The following AGBL1 variants were observed in gnomAD, a reference collection of about 807,000 sequenced individuals.
The protein encoded by AGBL1 is cytosolic carboxypeptidase 4.
AGBL1 carries 130 observed loss-of-function variants against 118.9 expected under a neutral mutation model. The observed-to-expected ratio is 1.09, with a 90% CI of 0.95 to 1.26. The LOEUF is 1.26. Ranked by LOEUF, AGBL1 falls within the 50% of genes most tolerant of loss-of-function variation. The pLI is 0.00. For missense variants in AGBL1, 1,584 were observed against 1,298.1 expected, an observed-to-expected ratio of 1.22 and a Z score of -3.38; for synonymous variants, 555 against 478.9, an observed-to-expected ratio of 1.16 and a Z score of -2.08.
rs756290389 is a variant in AGBL1, at chr15:86,976,846, C to G, written c.3222-11141C>G. Among the ~76,000 whole-genome samples the G allele has an allele frequency of 1.4e-4, 21 of 151,966 alleles. 1 individual carries two copies. The highest frequency in any genetic ancestry group is 3.4e-3 in the Middle Eastern group (1 of 294). On this transcript the variant is annotated intron_variant, in intron 23 of 24. Transcript: ENST00000441037. ...CGCATATTCACCATTTCAAAAACAA[C>G]TTTGTTTATGTCGTGTATGGATCTG...
intron 22 of AGBL1, among the ~76,000 whole-genome samples, chr15:86,897,095 G>C (rs987646097): frequency 3.9e-5 from 6 of 152,256 alleles, no homozygotes; most frequent in Non-Finnish European, 8.8e-5. Flanking sequence ...TCTGTCATTA[G>C]GGACACTGAC....
chr15:86,784,991 A>G (rs1473016691), intron 22 of AGBL1, among the ~76,000 whole-genome samples: 1 of 152,192 alleles, frequency 6.6e-6, no homozygotes, highest in African/African-American at 2.4e-5. Context: ...ACGGTATTAC[A>G]AATAATAGTA....
At chr15:86,374,186 G>A (rs181001575) in intron 17 of AGBL1, among the ~76,000 whole-genome samples, 142 of 152,276 alleles carry the variant, frequency 9.3e-4, no homozygotes, top group African/African-American at 2.9e-3. Flanking sequence ...ATTCTAATCC[G>A]CAGGTCTCTC....
intron 24 of AGBL1, among the ~76,000 whole-genome samples, chr15:87,025,639 G>A (rs2081719375): frequency 6.6e-6 from 1 of 151,520 alleles, no homozygotes; most frequent in African/African-American, 2.4e-5. Flanking sequence ...CACACAATTA[G>A]AAAAAAAATT....
chr15:86,724,392 T>A (rs1452969144), intron 22 of AGBL1, among the ~76,000 whole-genome samples: 1 of 152,058 alleles, frequency 6.6e-6, no homozygotes, highest in Non-Finnish European at 1.5e-5. Context: ...TCAAGAATTA[T>A]GACAAGCATT....
intron 23 of AGBL1, among the ~76,000 whole-genome samples, chr15:86,922,017 G>A (rs16978080): frequency 0.015 from 2,227 of 152,188 alleles, 50 homozygotes; most frequent in African/African-American, 0.047. Flanking sequence ...TGGTTACTCT[G>A]TATGGACTTA....
intron 18 of AGBL1, among the ~76,000 whole-genome samples, chr15:86,401,358 C>T (rs111245354): frequency 0.036 from 5,457 of 152,012 alleles, 164 homozygotes; most frequent in African/African-American, 0.084. Flanking sequence ...ATTAGTCCTT[C>T]GTTGCATGCA....
At chr15:86,083,523 A>G (rs1035361577) in intron 1 of AGBL1, 4 of 152,066 alleles carry the variant, frequency 2.6e-5, no homozygotes, top group Admixed American at 6.5e-5. Flanking sequence ...TGCATAGTTA[A>G]CTTCTTTTCT....
chr15:86,934,852 A>G (rs1384343551), intron 23 of AGBL1, among the ~76,000 whole-genome samples: 1 of 152,212 alleles, frequency 6.6e-6, no homozygotes. Flanking sequence ...CTCTACATAT[A>G]TTGATAAATA....
chr15:86,972,556 G>T (rs2081119620), intron 23 of AGBL1, among the ~76,000 whole-genome samples: 1 of 151,880 alleles, frequency 6.6e-6, no homozygotes, highest in South Asian at 2.1e-4. Context: ...TATCTTATGG[G>T]CATTACTGTC....
Position 86,269,945 on chromosome 15 carries a change from C to T in AGBL1, c.1865C>T (p.Ala622Val), listed in dbSNP as rs1357176083. ...REFEYDLLVN[A>V]DVNSTQHQQW... ...TTCGAGTATGACTTGCTGGTCAACG[C>T]AGATGTGAATAGCACCCAGCACCAG... Residue 622 changes from alanine (A) to valine (V), a missense_variant, in exon 14 of 23, where the codon GCA (alanine) becomes GTA (valine). By Grantham distance (64) the Ala-to-Val change is moderately conservative. Transcript: ENST00000614907. 2 of 1,613,902 alleles carry T rather than the reference C, an allele frequency of 1.2e-6. No individual in the cohort carries two copies. Among genetic ancestry groups the T allele is most frequent in the African/African-American group, 1.3e-5 (1 of 75,044 alleles).
chr15:86,395,983 A>G (rs562708568), intron 17 of AGBL1, among the ~76,000 whole-genome samples: 8 of 151,908 alleles, frequency 5.3e-5, no homozygotes, highest in African/African-American at 1.4e-4. Context: ...GTAAGATCGT[A>G]TCATGTTTGT....
chr15:86,246,754 G>T (rs1457064796), intron 6 of AGBL1, among the ~76,000 whole-genome samples: 1 of 152,200 alleles, frequency 6.6e-6, no homozygotes, highest in African/African-American at 2.4e-5. Context: ...TATGAGTCTT[G>T]ATTATATATA....
At chr15:86,551,858 G>A (rs1376852035) in intron 20 of AGBL1, among the ~76,000 whole-genome samples, 1 of 152,064 alleles carries the variant, frequency 6.6e-6, no homozygotes, top group Admixed American at 6.6e-5. Context: ...ACCTTAAATG[G>A]ATATTACTAA....
In AGBL1 at chr15:87,008,892, C is replaced by G. The variant is rs570357660; in HGVS notation, c.3324-19933C>G. On this transcript the variant is annotated intron_variant, in intron 24 of 24. Coordinates refer to the AGBL1 transcript ENST00000441037. ...TTAGGGTATCTGGCAGAAGAAATTT[C>G]TAAGTAGCAAAGCATTCAAGAGATT... 3.9e-5 allele frequency among the ~76,000 whole-genome samples: 6 copies of G among 152,262 alleles called. 1 individual carries two copies. Among genetic ancestry groups the G allele is most frequent in the African/African-American group, 1.4e-4 (6 of 41,558 alleles).
chr15:86,651,912 C>T (rs915453784), intron 21 of AGBL1, among the ~76,000 whole-genome samples: 27 of 152,132 alleles, frequency 1.8e-4, no homozygotes, highest in African/African-American at 6.0e-4. Context: ...CATGTGGTTG[C>T]CCTACTTCCA....
chr15:86,230,040 G>T (rs2078430306), intron 6 of AGBL1, among the ~76,000 whole-genome samples: 1 of 152,172 alleles, frequency 6.6e-6, no homozygotes, highest in African/African-American at 2.4e-5. Context: ...GAAGAAAAGG[G>T]GGAGGGAGAG....
At chr15:86,205,928 A>T (rs1213400146) in intron 5 of AGBL1, among the ~76,000 whole-genome samples, 3 of 152,118 alleles carry the variant, frequency 2.0e-5, no homozygotes, top group Non-Finnish European at 4.4e-5. Flanking sequence ...TGCTGCACCT[A>T]TTAACTCGTC....
chr15:86,461,842 C>A (rs958402988), intron 18 of AGBL1, among the ~76,000 whole-genome samples: 7 of 152,062 alleles, frequency 4.6e-5, no homozygotes, highest in African/African-American at 7.2e-5. Flanking sequence ...ATTCCTATGG[C>A]TACATTTATG....
Sources: allele counts gnomAD v4.1 joint callset (sites outside exome capture counted in the v4.1 genomes callset), GRCh38; gene constraint gnomAD v4.1.1; transcripts MANE v1.5; gene names NCBI Gene and HGNC (gene_info 2026-07-23, HGNC 2026-07-21).